The following LMO2 variants were observed in gnomAD, a reference collection of about 807,000 sequenced individuals.
The protein encoded by LMO2 is rhombotin-2.
Under a neutral mutation model 23.2 loss-of-function variants are expected in LMO2, and 20 were observed. That is an observed-to-expected ratio of 0.86 (90% CI 0.61 to 1.25). The LOEUF is 1.25. LMO2 is among the 50% of genes most tolerant of loss of function. LMO2 has a pLI of 0.00. For synonymous variants in LMO2, 123 were observed against 130.2 expected (o/e 0.94, Z 0.38); for missense variants, 270 against 315.3 (o/e 0.86, Z 1.09).
At chr11:33,877,769 T>A (rs1857170537) in intron 2 of LMO2, among the ~76,000 whole-genome samples, 1 of 151,910 alleles carries the variant, frequency 6.6e-6, no homozygotes, top group Non-Finnish European at 1.5e-5. Flanking sequence ...CCTACCTGTC[T>A]CCAGATTCTT....
At position 33,869,491 on chromosome 11, in the gene LMO2, C is replaced by A. The variant is rs1460420389; in HGVS notation, c.103G>T (p.Gly35Cys). ...CCCTCGGGTGCTCGGGCGCCGCCGC[C>A]GCCGCCGCCGTCGCCGCCGCTCCTG... ...RRRSGGDGGGGGGARAPEGVR... is the reference protein window; with the variant it reads ...RRRSGGDGGGCGGARAPEGVR... Residue 35 changes from glycine to cysteine, a missense_variant, in exon 4 of 6, where the codon GGC becomes TGC. Around this residue, in one of 2 missense-constraint regions of LMO2, gnomAD observed 170 missense variants for 162.0 expected, o/e 1.05. Transcript: ENST00000257818. 5.8e-6 allele frequency: 7 copies of A among 1,203,938 alleles called. No homozygotes were observed. The highest frequency in any genetic ancestry group is 3.2e-5 in the African/African-American group (2 of 61,564). 74.6% of individuals were successfully genotyped at this position (1,203,938 alleles called of 1,614,324 possible).
intron 2 of LMO2, chr11:33,871,027 T>G (rs1223753233): frequency 1.0e-6 from 1 of 978,712 alleles, no homozygotes; most frequent in Admixed American, 6.2e-5. Flanking sequence ...TTAAGGCTTG[T>G]AAAGAGGGAA....
chr11:33,860,354 A>G (rs1856525023), intron 5 of LMO2, among the ~76,000 whole-genome samples: 1 of 152,190 alleles, frequency 6.6e-6, no homozygotes, highest in Admixed American at 6.5e-5. Flanking sequence ...CACTTATTTC[A>G]GGCAGTATTC....
Position 33,864,765 on chromosome 11 carries a change from C to T in LMO2, c.301G>A (p.Gly101Ser), listed in dbSNP as rs143597005. The change falls in exon 5 of 6, where the codon GGC becomes AGC. Residue 101 changes from glycine to serine, a missense_variant. Transcript: ENST00000257818. The surrounding 1 kb of genome is among the most constrained non-coding windows in gnomAD (Gnocchi z 4.8). ...QIPPSLLTCG[G>S]CQQNIGDRYF... is the part of the protein sequence containing the mutation. Reference sequence around the variant, plus strand: ...CGGTCCCCAATGTTCTGCTGGCAGCCGCCGCATGTCAGCAGGGATGGGGGG... The same window carrying T: ...CGGTCCCCAATGTTCTGCTGGCAGCTGCCGCATGTCAGCAGGGATGGGGGG... 71 of 1,613,878 alleles carry T rather than the reference C, an allele frequency of 4.4e-5. No homozygotes were observed. The highest frequency in any genetic ancestry group is 5.7e-5 in the Non-Finnish European group (67 of 1,179,942).
In LMO2 at chr11:33,880,977, A is replaced by G; in HGVS notation, c.-272+847T>C. The G allele has an allele frequency of 2.9e-6, 1 of 348,804 alleles. No homozygotes were observed. The highest frequency in any genetic ancestry group is 7.6e-5 in the East Asian group (1 of 13,238). 21.6% of individuals were successfully genotyped at this position (348,804 alleles called of 1,614,324 possible). On this transcript the variant is annotated intron_variant, in intron 2 of 5. Transcript: ENST00000257818. The surrounding 1 kb of genome is among the most constrained non-coding windows in gnomAD (Gnocchi z 4.3). The stretch of plus-strand genomic sequence containing the variant: ...AAGCCCATTTGACTCCAAGGACAGA[A>G]AAAAAGAGTGCAGGTTGTTATTATG...
chr11:33,869,930 C>G lies in LMO2; in HGVS notation c.-214G>C. 9.5e-7 allele frequency: 1 copy of G among 1,049,826 alleles called. No individual in the cohort carries two copies. The highest frequency in any genetic ancestry group is 1.1e-6 in the Non-Finnish European group (1 of 871,076). 65.0% of individuals were successfully genotyped at this position (1,049,826 alleles called of 1,614,324 possible). Reference sequence around the variant, plus strand: ...CGTCTCTCTCCGGGCTTCCTCCTCTCTCGGGAAGGTCTATTTTCGCTCAGC... The same window carrying G: ...CGTCTCTCTCCGGGCTTCCTCCTCTGTCGGGAAGGTCTATTTTCGCTCAGC... On this transcript the variant is annotated 5_prime_UTR_variant, in exon 3 of 6. Transcript: ENST00000257818.
Position 33,869,798 on chromosome 11 carries a change from C to T in LMO2, c.-82G>A. The T allele has an allele frequency of 8.9e-7, 1 of 1,118,200 alleles. No individual in the cohort carries two copies. The highest frequency in any genetic ancestry group is 1.1e-6 in the Non-Finnish European group (1 of 916,918). 69.3% of individuals were successfully genotyped at this position (1,118,200 alleles called of 1,614,324 possible). A position where few individuals can be genotyped will look rare whatever the true frequency, so the allele number is the denominator to read the frequency against. ...GCCGCCCGCGGGGATGGTGTGCGCCCGCCCGGCCGCCCGGAGCCCCTCGCA... is the reference window on the plus strand; with the variant it reads ...GCCGCCCGCGGGGATGGTGTGCGCCTGCCCGGCCGCCCGGAGCCCCTCGCA... On this transcript the variant is annotated 5_prime_UTR_variant, in exon 3 of 6. Coordinates refer to ENST00000257818, the MANE Select transcript of LMO2 (RefSeq NM_005574.4).
In LMO2 at chr11:33,859,029, A is replaced by C; in HGVS notation, c.*327T>G. On this transcript the variant is annotated 3_prime_UTR_variant, in exon 6 of 6. Transcript: ENST00000257818. Reference sequence around the variant, plus strand: ...ACAAGTCTGTACACAACAACTCTCTATCTGTAGATATGAAATTCCATCATG... The same window carrying C: ...ACAAGTCTGTACACAACAACTCTCTCTCTGTAGATATGAAATTCCATCATG... 2 of 370,140 alleles carry C rather than the reference A, an allele frequency of 5.4e-6. No individual in the cohort carries two copies. Among genetic ancestry groups the C allele is most frequent in the South Asian group, 7.6e-5 (2 of 26,260 alleles). 22.9% of individuals were successfully genotyped at this position (370,140 alleles called of 1,614,324 possible). A position where few individuals can be genotyped will look rare whatever the true frequency, so the allele number is the denominator to read the frequency against.
At chr11:33,879,794 A>G (rs1414677945) in intron 2 of LMO2, among the ~76,000 whole-genome samples, 1 of 152,196 alleles carries the variant, frequency 6.6e-6, no homozygotes, top group Non-Finnish European at 1.5e-5. Context: ...AATCAAAACT[A>G]CAATGAGATA....
At chr11:33,891,700 G>T (rs1314577926) in intron 1 of LMO2, 95 bp downstream of exon 1, 1 of 152,182 alleles carries the variant, frequency 6.6e-6, no homozygotes, top group Non-Finnish European at 1.5e-5. Context: ...TATTTTAAAA[G>T]ACCAATTTAA....
Position 33,869,378 on chromosome 11 carries a change from C to T in LMO2, c.216G>A (p.Ser72=), listed in dbSNP as rs559317955. The T allele has an allele frequency of 2.5e-6, 3 of 1,196,752 alleles. No homozygotes were observed. The Admixed American group carries it at 1.4e-4, about 54-fold the overall frequency. 74.1% of individuals were successfully genotyped at this position (1,196,752 alleles called of 1,614,324 possible). The change falls in exon 4 of 6, where the codon TCG becomes TCA. Residue 72 remains serine (S), a synonymous_variant. Coordinates refer to ENST00000257818, the MANE Select transcript of LMO2 (RefSeq NM_005574.4). ...GGTCCAGGCTCTTCCTTTCGATGGC[C>T]GAGGACATTGGGGAGGGAGGCGGGG... ...PGTPPPSPMS[S]AIERKSLDPS...
chr11:33,877,793 C>T (rs1406125203), intron 2 of LMO2, among the ~76,000 whole-genome samples: 1 of 151,930 alleles, frequency 6.6e-6, no homozygotes, highest in East Asian at 1.9e-4. Flanking sequence ...CGACAAACCT[C>T]AGCAGGAAGG....
At chr11:33,870,033 A>T (rs1271181073) in intron 2 of LMO2, 46 bp from the exon 3 acceptor site, 1 of 813,482 alleles carries the variant, frequency 1.2e-6, no homozygotes, top group Non-Finnish European at 1.5e-6. Context: ...ATTTAAAGAG[A>T]CAGCTGCCCG....
At chr11:33,887,265 G>A (rs1252409762) in intron 1 of LMO2, among the ~76,000 whole-genome samples, 3 of 152,250 alleles carry the variant, frequency 2.0e-5, no homozygotes, top group Non-Finnish European at 4.4e-5. Flanking sequence ...AGCCTGGTGG[G>A]AGAAGTGAGC....
chr11:33,889,363 C>T (rs1439488449), intron 1 of LMO2, among the ~76,000 whole-genome samples: 4 of 152,162 alleles, frequency 2.6e-5, no homozygotes, highest in African/African-American at 7.2e-5. Context: ...CAGATGAGCT[C>T]GCAGCCAGAC....
At position 33,873,053 on chromosome 11, in the gene LMO2, GC is replaced by G. The variant is rs748297733; in HGVS notation, c.-271-3067del. ...GCTGGGATTGCAGGCATGAGCCACCGCGCCTGGCCACATCTGCTTGTTTTTA... is the reference window on the plus strand; with the variant it reads ...GCTGGGATTGCAGGCATGAGCCACCGGCCTGGCCACATCTGCTTGTTTTTA... On this transcript the variant is annotated intron_variant, in intron 2 of 5. Coordinates refer to ENST00000257818, the MANE Select transcript of LMO2 (RefSeq NM_005574.4). 6.6e-5 allele frequency among the ~76,000 whole-genome samples: 10 copies of G among 152,206 alleles called. No homozygotes were observed. In the East Asian group the frequency reaches 9.7e-4, roughly 15 times the overall value.
intron 2 of LMO2, among the ~76,000 whole-genome samples, chr11:33,877,517 T>A (rs1352866045): frequency 1.5e-5 from 2 of 135,506 alleles, no homozygotes; most frequent in African/African-American, 5.7e-5. Context: ...CAGGCTGGAG[T>A]GCGGTGGCGT....
chr11:33,868,717 T>C (rs778595466), intron 4 of LMO2, among the ~76,000 whole-genome samples: 1 of 152,220 alleles, frequency 6.6e-6, no homozygotes, highest in Admixed American at 6.5e-5. Flanking sequence ...GAGGTTCACA[T>C]GTCCCCATCG....
intron 1 of LMO2, among the ~76,000 whole-genome samples, chr11:33,883,091 T>C (rs1487690797): frequency 6.6e-6 from 1 of 152,240 alleles, no homozygotes; most frequent in Non-Finnish European, 1.5e-5. Context: ...CTTGATATTT[T>C]CTTATTTGTG....
Sources: gnomAD v4.1 joint callset for allele counts (sites outside exome capture counted in the v4.1 genomes callset) on GRCh38, gnomAD v4.1.1 for gene constraint, gnomAD v4.1.1 regional missense constraint, Gnocchi (gnomAD v3.1) non-coding constraint, MANE v1.5 for transcripts, NCBI Gene and HGNC (gene_info 2026-07-23, HGNC 2026-07-21) for gene names.